The following ACSL6 variants were observed in gnomAD, a reference collection of about 807,000 sequenced individuals.
ACSL6 encodes the protein acyl-CoA synthetase long chain family member 6.
ACSL6 carries 47 observed loss-of-function variants against 98.2 expected under a neutral mutation model. That is an observed-to-expected ratio of 0.48 (90% CI 0.38 to 0.61). The LOEUF is 0.61. ACSL6 is among the 20% of genes least tolerant of loss of function. ACSL6 has a pLI of 0.00. For missense variants in ACSL6, 761 were observed against 913.4 expected, an observed-to-expected ratio of 0.83 and a Z score of 2.15; for synonymous variants, 362 against 336.9, an observed-to-expected ratio of 1.07 and a Z score of -0.82.
intron 1 of ACSL6, chr5:131,999,772 G>A (rs1263508231): frequency 1.3e-5 from 2 of 152,352 alleles, no homozygotes; most frequent in Non-Finnish European, 2.9e-5. Flanking sequence ...TGCTGGCTCA[G>A]ATCAGCTCAG....
At chr5:132,009,304 T>A (rs1471784656) in intron 1 of ACSL6, among the ~76,000 whole-genome samples, 1 of 152,192 alleles carries the variant, frequency 6.6e-6, no homozygotes, top group Admixed American at 6.5e-5. Context: ...AAAAAGCACA[T>A]AACTCTACTA....
chr5:131,989,583 C>CTTTTTTTT (rs57391438), intron 4 of ACSL6, 75 bp from the exon 5 acceptor site: 2 of 180,626 alleles, frequency 1.1e-5, no homozygotes, highest in South Asian at 4.1e-5. Flanking sequence ...AGGAGGAATT[C>CTTTTTTTT]TTTTTTTTTT....
At chr5:131,974,706 AG>A in intron 11 of ACSL6, 186 bp downstream of exon 11, 1 of 1,564,800 alleles carries the variant, frequency 6.4e-7, no homozygotes, top group South Asian at 1.2e-5. Context: ...GACACCCGCT[AG>A]GGTTATGGGT....
At chr5:131,996,665 T>C (rs186718564) in intron 1 of ACSL6, among the ~76,000 whole-genome samples, 7 of 152,332 alleles carry the variant, frequency 4.6e-5, no homozygotes, top group African/African-American at 1.4e-4. Flanking sequence ...CTTTGCATAT[T>C]GTGGCATTCG....
intron 15 of ACSL6, among the ~76,000 whole-genome samples, chr5:131,969,863 TG>T (rs746881418): frequency 1.3e-5 from 2 of 152,148 alleles, no homozygotes; most frequent in Non-Finnish European, 2.9e-5. Flanking sequence ...AGGGCTGTAG[TG>T]GGTAGCCCAT....
intron 20 of ACSL6, among the ~76,000 whole-genome samples, chr5:131,956,233 T>C (rs1402504053): frequency 6.6e-6 from 1 of 152,192 alleles, no homozygotes; most frequent in Non-Finnish European, 1.5e-5. Flanking sequence ...AGGTATATAA[T>C]GTCATTTATA....
At chr5:132,005,836 G>A (rs1755377091) in intron 1 of ACSL6, among the ~76,000 whole-genome samples, 3 of 152,194 alleles carry the variant, frequency 2.0e-5, no homozygotes, top group Admixed American at 6.5e-5. Flanking sequence ...GTGAGGCGGG[G>A]TCCCAGGCAC....
At position 132,009,744 on chromosome 5, in the gene ACSL6, C is replaced by T. The variant is rs191385711; in HGVS notation, c.49+1761G>A. 2.0e-5 allele frequency among the ~76,000 whole-genome samples: 3 copies of T among 152,292 alleles called. No homozygotes were observed. The East Asian group carries it at 5.8e-4, about 29-fold the overall frequency. On this transcript the variant is annotated intron_variant, in intron 1 of 20. Coordinates refer to ENST00000651883, the MANE Select transcript of ACSL6 (RefSeq NM_001009185.3). ...GCTGACCACTTTAGGAAATGCTCCACAAGGAAACAGGACTCCACTTTGAGT... is the reference window on the plus strand; with the variant it reads ...GCTGACCACTTTAGGAAATGCTCCATAAGGAAACAGGACTCCACTTTGAGT...
At chr5:132,012,196 C>T (rs2126985926), upstream of ACSL6, 2 of 431,816 alleles carry the variant, frequency 4.6e-6, no homozygotes, top group East Asian at 7.3e-5. Context: ...CCTCTGCAAA[C>T]CAGTGAGGGG....
chr5:132,004,866 C>T (rs1358490839), intron 1 of ACSL6, among the ~76,000 whole-genome samples: 1 of 152,178 alleles, frequency 6.6e-6, no homozygotes, highest in Non-Finnish European at 1.5e-5. Context: ...GTTGGCTGGG[C>T]ATGGTGGCTC....
At chr5:131,974,314 G>A (rs988981804) in intron 11 of ACSL6, among the ~76,000 whole-genome samples, 2 of 152,142 alleles carry the variant, frequency 1.3e-5, no homozygotes, top group Non-Finnish European at 2.9e-5. Flanking sequence ...CCAGCCTCAG[G>A]CCAGTCCCCA....
intron 9 of ACSL6, among the ~76,000 whole-genome samples, chr5:131,977,495 C>T (rs1467700647): frequency 6.6e-6 from 1 of 152,180 alleles, no homozygotes; most frequent in Non-Finnish European, 1.5e-5. Flanking sequence ...CTAGCCTTGC[C>T]ACTCACTGCC....
At chr5:131,971,709 G>A (rs1753318283) in intron 13 of ACSL6, 64 bp from the exon 14 acceptor site, 1 of 1,417,780 alleles carries the variant, frequency 7.1e-7, no homozygotes, top group East Asian at 2.4e-5. Context: ...GTCCATCTGG[G>A]TTTCATCCAA....
At chr5:131,976,043 A>G (rs964058135) in intron 10 of ACSL6, 2 of 985,362 alleles carry the variant, frequency 2.0e-6, no homozygotes, top group Non-Finnish European at 2.4e-6. Context: ...TTTTTTGAAA[A>G]GATACACTCC....
chr5:131,977,621 A>T (rs187384179), intron 9 of ACSL6, among the ~76,000 whole-genome samples: 1 of 152,216 alleles, frequency 6.6e-6, no homozygotes, highest in Admixed American at 6.5e-5. Context: ...AGTATGAAAG[A>T]TGTTAAATTA....
chr5:131,952,734 A>T lies in ACSL6; in HGVS notation c.*1500T>A, dbSNP rs1454601372. 4.6e-6 allele frequency: 1 copy of T among 217,056 alleles called. No homozygotes were observed. Among genetic ancestry groups the T allele is most frequent in the East Asian group, 6.9e-5 (1 of 14,524 alleles). The allele number at this position is 217,056 out of a possible 1,614,324, so 13.4% of individuals were successfully genotyped here. ...CCCAATACAGGGTGCATCTAAATACATAATGCAAGAAAGGAGGTTTTAGTG... is the reference window on the plus strand; with the variant it reads ...CCCAATACAGGGTGCATCTAAATACTTAATGCAAGAAAGGAGGTTTTAGTG... On this transcript the variant is annotated 3_prime_UTR_variant, in exon 21 of 21. Transcript: ENST00000651883.
chr5:131,966,857 T>A (rs1273451562), intron 16 of ACSL6, among the ~76,000 whole-genome samples: 1 of 152,240 alleles, frequency 6.6e-6, no homozygotes, highest in Non-Finnish European at 1.5e-5. Flanking sequence ...TATTGATGGC[T>A]GGCTGATTCT....
intron 20 of ACSL6, among the ~76,000 whole-genome samples, chr5:131,957,837 T>C (rs1327327350): frequency 6.6e-6 from 1 of 152,180 alleles, no homozygotes; most frequent in African/African-American, 2.4e-5. Context: ...TGTGGTCAGC[T>C]GAGGGCACAC....
At chr5:131,986,789 G>C in intron 8 of ACSL6, 33 bp downstream of exon 8, 3 of 1,613,740 alleles carry the variant, frequency 1.9e-6, no homozygotes, top group Non-Finnish European at 2.5e-6. Flanking sequence ...ACGCCATCTC[G>C]CTCAATAAAG....
Sources: allele counts gnomAD v4.1 joint callset (sites outside exome capture counted in the v4.1 genomes callset), GRCh38; gene constraint gnomAD v4.1.1; transcripts MANE v1.5; gene names NCBI Gene and HGNC (gene_info 2026-07-23, HGNC 2026-07-21).